Variants in THBS2 observed in about 807,000 individuals in gnomAD.
THBS2 encodes thrombospondin-2.
Under a neutral mutation model 135.2 loss-of-function variants are expected in THBS2, and 47 were observed. The ratio of observed to expected loss-of-function variants is 0.35; its 90% CI spans 0.28 to 0.44. THBS2 has a LOEUF of 0.44. Among genes scored for constraint, THBS2 ranks in the 20% least tolerant of loss-of-function variants. The pLI is 1.00. For missense variants in THBS2, 1,288 were observed against 1,603.1 expected, an observed-to-expected ratio of 0.80 and a Z score of 3.36; for synonymous variants, 639 against 633.8, an observed-to-expected ratio of 1.01 and a Z score of -0.12.
intron 16 of THBS2, 35 bp downstream of exon 16, chr6:169,226,145 G>T (rs199512059): frequency 6.4e-7 from 1 of 1,569,862 alleles, no homozygotes; most frequent in African/African-American, 1.4e-5. Context: ...CTCTGATGAG[G>T]ACCTCCAACC....
rs1381892732 is a variant in THBS2 at position 169,232,903 on chromosome 6, T to C, written c.1766A>G (p.Glu589Gly). 1 of 1,592,622 alleles carries C rather than the reference T, an allele frequency of 6.3e-7. No individual in the cohort carries two copies. ...VGFLGNGTHC[E>G]DLDECALVPD... The stretch of plus-strand genomic sequence containing the variant: ...GGGGTCACCCACCTCGTCCAGGTCC[T>C]CACAGTGGGTGCCATTGCCCAAGAA... Residue 589 changes from glutamate (E) to glycine (G), a missense_variant, in exon 11 of 22, where the codon GAG becomes GGG. Glu to Gly is a moderately conservative substitution (Grantham distance 98, BLOSUM62 -2). This residue lies in a region of THBS2 where 874 missense variants were observed against 1,156.1 expected (regional missense o/e 0.76). Transcript: ENST00000617924.
At chr6:169,229,735 A>C in intron 13 of THBS2, 56 bp from the exon 14 acceptor site, 1 of 1,414,466 alleles carries the variant, frequency 7.1e-7, no homozygotes, top group Admixed American at 1.7e-5. Flanking sequence ...CGCCTCTTTC[A>C]GGAATGCAGG....
At chr6:169,250,088 A>G (rs192458938) in intron 2 of THBS2, among the ~76,000 whole-genome samples, 36 of 152,296 alleles carry the variant, frequency 2.4e-4, no homozygotes, top group Admixed American at 2.2e-3. Flanking sequence ...CTTCCTTTTC[A>G]TCTAATATTT....
chr6:169,221,770 C>T (rs1779439464), intron 19 of THBS2, among the ~76,000 whole-genome samples: 2 of 152,150 alleles, frequency 1.3e-5, no homozygotes, highest in African/African-American at 4.8e-5. Context: ...ATTGAAGAGC[C>T]CAGGCACCTG....
At position 169,249,087 on chromosome 6, in the gene THBS2, A is replaced by C. The variant is rs573553291; in HGVS notation, c.53-114T>G. 35 of 987,550 alleles carry C rather than the reference A, an allele frequency of 3.5e-5. No homozygotes were observed. In the African/African-American group the frequency reaches 5.2e-4, roughly 15 times the overall value. 61.2% of individuals were successfully genotyped at this position (987,550 alleles called of 1,614,324 possible). On this transcript the variant is annotated intron_variant, in intron 2 of 21. Transcript: ENST00000617924. ...GTAAGGAAATTAACGAGGCCTCCCA[A>C]TATCCCGCAGCTTCTCTCCCTTTTT...
In THBS2 at chr6:169,216,791, A is replaced by T. The variant is rs978614216; in HGVS notation, c.*1031T>A. On this transcript the variant is annotated 3_prime_UTR_variant, in exon 22 of 22. Transcript: ENST00000617924. ...GGCATATTTAAAATAAGTTACTGGT[A>T]AATGGAGTTGCATTCTATAGTCACT... 1 of 152,244 alleles carries T rather than the reference A, an allele frequency of 6.6e-6. No individual in the cohort carries two copies. The allele number at this position is 152,244 out of a possible 1,614,324, so 9.4% of individuals were successfully genotyped here.
At position 169,222,283 on chromosome 6, in the gene THBS2, C is replaced by A; in HGVS notation, c.3187G>T (p.Val1063Leu). Reference protein sequence around the residue: ...QPTRAYGYSGVSLKVVNSTTG... With the variant: ...QPTRAYGYSGLSLKVVNSTTG... ...GTGGAGTTCACCACCTTGAGGGACA[C>A]GCCGGAGTAGCCATAGGCCCGCGTG... Residue 1063 changes from valine to leucine, a missense_variant, in exon 19 of 22, where the codon GTG (valine) becomes TTG (leucine). Coordinates refer to ENST00000617924, the MANE Select transcript of THBS2 (RefSeq NM_003247.5). The A allele has an allele frequency of 1.2e-6, 2 of 1,613,280 alleles. No individual in the cohort carries two copies. The highest frequency in any genetic ancestry group is 1.1e-5 in the South Asian group (1 of 91,084).
At chr6:169,235,110 T>A (rs11751422) in intron 9 of THBS2, among the ~76,000 whole-genome samples, 2 of 152,038 alleles carry the variant, frequency 1.3e-5, no homozygotes, top group African/African-American at 2.4e-5. Flanking sequence ...CGGGAGTGAC[T>A]CAGAAGCCAG....
rs369239329 is a variant in THBS2, at chr6:169,219,052, AGATG to A, written c.3511+1142_3511+1145del. 7.1e-3 allele frequency among the ~76,000 whole-genome samples: 967 copies of A among 136,984 alleles called. 19 individuals carry two copies. The highest frequency in any genetic ancestry group is 0.024 in the African/African-American group (844 of 35,808). 89.9% of individuals were successfully genotyped at this position (136,984 alleles called of 152,430 possible). Reference sequence around the variant, plus strand: ...GGATGGATGAGTAGGTGGGTGGATGAGATGGATGGATGGATGGATGAGATGGATG... The same window carrying A: ...GGATGGATGAGTAGGTGGGTGGATGAGATGGATGGATGGATGAGATGGATG... On this transcript the variant is annotated intron_variant, in intron 21 of 21. Coordinates refer to ENST00000617924, the MANE Select transcript of THBS2 (RefSeq NM_003247.5).
rs1779363302 is a variant in THBS2, at chr6:169,219,905, A to C, written c.3511+293T>G. ...ATCTAAAATGGCGTCAGGAGCCTGGAAGTGGAGGAAATCTAGGAAACTCTA... is the reference window on the plus strand; with the variant it reads ...ATCTAAAATGGCGTCAGGAGCCTGGCAGTGGAGGAAATCTAGGAAACTCTA... On this transcript the variant is annotated intron_variant, in intron 21 of 21. Transcript: ENST00000617924. The C allele has an allele frequency of 6.9e-6, 4 of 575,762 alleles. No individual in the cohort carries two copies. The East Asian group carries it at 1.5e-4, about 22-fold the overall frequency. 35.7% of individuals were successfully genotyped at this position (575,762 alleles called of 1,614,324 possible). A position where few individuals can be genotyped will look rare whatever the true frequency, so the allele number is the denominator to read the frequency against.
intron 1 of THBS2, among the ~76,000 whole-genome samples, chr6:169,253,324 C>T (rs896473621): frequency 6.6e-6 from 1 of 152,114 alleles, no homozygotes; most frequent in Admixed American, 6.5e-5. Context: ...TCAGATATTC[C>T]GGGAGTTGTT....
intron 4 of THBS2, among the ~76,000 whole-genome samples, chr6:169,243,941 G>C (rs953708536): frequency 2.6e-5 from 4 of 152,168 alleles, no homozygotes; most frequent in African/African-American, 7.2e-5. Flanking sequence ...ACCAATCCAT[G>C]AACTAGCTGT....
intron 17 of THBS2, 127 bp downstream of exon 17, chr6:169,225,018 A>T: frequency 3.4e-6 from 3 of 885,900 alleles, no homozygotes; most frequent in Non-Finnish European, 5.4e-6. Flanking sequence ...CAGCTTTAAG[A>T]GGCCCAAAGT....
intron 15 of THBS2, 103 bp downstream of exon 15, chr6:169,228,019 C>G (rs910924435): frequency 4.4e-6 from 6 of 1,375,214 alleles, no homozygotes; most frequent in Non-Finnish European, 5.8e-6. Flanking sequence ...AGGTGGAGAT[C>G]GCAGTGAGCC....
intron 20 of THBS2, among the ~76,000 whole-genome samples, chr6:169,221,201 T>G (rs1583403806): frequency 6.6e-6 from 1 of 152,212 alleles, no homozygotes; most frequent in African/African-American, 2.4e-5. Flanking sequence ...AATATGGTTA[T>G]CATCCCAAAA....
intron 10 of THBS2, 74 bp from the exon 11 acceptor site, chr6:169,233,091 G>C (rs1472436208): frequency 3.5e-6 from 5 of 1,430,540 alleles, no homozygotes; most frequent in Non-Finnish European, 4.6e-6. Context: ...CCTGTGGGCC[G>C]TCAAACACTC....
chr6:169,229,619 C>A lies in THBS2; in HGVS notation c.2212G>T (p.Asp738Tyr). The change falls in exon 14 of 22, where the codon GAT (aspartate) becomes TAT (tyrosine). Residue 738 changes from aspartate (D) to tyrosine (Y), a missense_variant. By Grantham distance (160) the Asp-to-Tyr change is radical. This residue lies in a region of THBS2 where 874 missense variants were observed against 1,156.1 expected (regional missense o/e 0.76). Coordinates refer to ENST00000617924, the MANE Select transcript of THBS2 (RefSeq NM_003247.5). ...QEDFDKDGIG[D>Y]ACDDDDDNDG... Reference sequence around the variant, plus strand: ...TTGTCATCGTCATCATCACAGGCATCGCCAATCCCGTCCTTGTCAAAGTCT... The same window carrying A: ...TTGTCATCGTCATCATCACAGGCATAGCCAATCCCGTCCTTGTCAAAGTCT... The A allele has an allele frequency of 6.2e-7, 1 of 1,614,098 alleles. No individual in the cohort carries two copies. The highest frequency in any genetic ancestry group is 1.3e-5 in the African/African-American group (1 of 75,036).
chr6:169,229,131 T>C (rs1779745485), intron 14 of THBS2, among the ~76,000 whole-genome samples: 1 of 152,182 alleles, frequency 6.6e-6, no homozygotes, highest in South Asian at 2.1e-4. Context: ...AAGCAGTGAG[T>C]AAAATCTTGA....
chr6:169,245,557 C>T (rs1415010815), intron 4 of THBS2, among the ~76,000 whole-genome samples: 1 of 152,066 alleles, frequency 6.6e-6, no homozygotes, highest in Admixed American at 6.6e-5. Context: ...CTTTGGGAGG[C>T]CAAGGTGGGC....
Sources: gnomAD v4.1 joint callset for allele counts (sites outside exome capture counted in the v4.1 genomes callset) on GRCh38, gnomAD v4.1.1 for gene constraint, gnomAD v4.1.1 regional missense constraint, MANE v1.5 for transcripts, NCBI Gene and HGNC (gene_info 2026-07-23, HGNC 2026-07-21) for gene names.